IQGAP3: variants seen among roughly 807,000 people sequenced by gnomAD.
IQGAP3 encodes IQ motif containing GTPase activating protein 3.
Under a neutral mutation model 208.2 loss-of-function variants are expected in IQGAP3, and 165 were observed. The ratio of observed to expected loss-of-function variants is 0.79; its 90% CI spans 0.70 to 0.90. The LOEUF (loss-of-function observed/expected upper bound fraction) is 0.90, where lower values mean the gene tolerates loss of function less well. IQGAP3 is among the 40% of genes least tolerant of loss of function. The probability of loss-of-function intolerance (pLI) is 0.00; values close to 1 mark genes in which losing one functional copy is unlikely to be tolerated. For missense variants in IQGAP3, 1,811 were observed against 2,043.1 expected (o/e 0.89, Z 2.19); for synonymous variants, 703 against 803.6 (o/e 0.87, Z 2.12).
chr1:156,553,757 T>G (rs1003273478), intron 13 of IQGAP3, among the ~76,000 whole-genome samples: 2 of 152,108 alleles, frequency 1.3e-5, no homozygotes, highest in Non-Finnish European at 2.9e-5. Flanking sequence ...AATTTTGTAT[T>G]TTTAGTAGAG....
intron 31 of IQGAP3, 88 bp downstream of exon 31, chr1:156,533,685 G>T: frequency 9.6e-7 from 1 of 1,043,068 alleles, no homozygotes; most frequent in South Asian, 1.4e-5. Context: ...TAGGCTGCAT[G>T]GGCACGCTCA....
At chr1:156,560,014 C>T (rs1676072707) in intron 11 of IQGAP3, among the ~76,000 whole-genome samples, 1 of 152,280 alleles carries the variant, frequency 6.6e-6, no homozygotes. Context: ...TAGTGAATGT[C>T]GGAAAGCTCT....
intron 1 of IQGAP3, among the ~76,000 whole-genome samples, chr1:156,570,946 T>C (rs7514468): frequency 0.54 from 82,886 of 152,208 alleles, 25,577 homozygotes; most frequent in Non-Finnish European, 0.7. Flanking sequence ...AAGGAATAAA[T>C]AGGCGGAACA....
chr1:156,550,312 T>C lies in IQGAP3; in HGVS notation c.1774A>G (p.Ile592Val), dbSNP rs1415237505. 4 of 1,613,724 alleles carry C rather than the reference T, an allele frequency of 2.5e-6. No individual in the cohort carries two copies. In the African/African-American group the frequency reaches 5.3e-5, roughly 22 times the overall value. The part of the protein sequence containing the change: ...DPGAVLWLEE[I>V]RQGVVRANQD... ...TTGGCTCTGACCACTCCCTGGCGGA[T>C]CTCCTCAAGCCACAGCACAGCTCCA... Residue 592 changes from isoleucine (I) to valine (V), a missense_variant, in exon 16 of 38, where the codon ATC becomes GTC. By Grantham distance (29) the Ile-to-Val change is conservative. Coordinates refer to ENST00000361170, the MANE Select transcript of IQGAP3 (RefSeq NM_178229.5).
At chr1:156,564,314 C>T (rs1274747100) in intron 5 of IQGAP3, among the ~76,000 whole-genome samples, 1 of 152,178 alleles carries the variant, frequency 6.6e-6, no homozygotes, top group Non-Finnish European at 1.5e-5. Context: ...CTGTGTTGCT[C>T]TCAATAGGTC....
In IQGAP3 at chr1:156,561,995, C is replaced by T; in HGVS notation, c.884G>A (p.Gly295Glu). The change falls in exon 10 of 38, where the codon GGG (glycine) becomes GAG (glutamate). Residue 295 changes from glycine to glutamate, a missense_variant. Coordinates refer to ENST00000361170, the MANE Select transcript of IQGAP3 (RefSeq NM_178229.5). ...QGNINHVNVH[G>E]ALEVVDDALE... ...GGCATCATCAACAACTTCTAGAGCC[C>T]CATGGACTGAAAAAAAATGACTCCA... 3 of 1,604,040 alleles carry T rather than the reference C, an allele frequency of 1.9e-6. No individual in the cohort carries two copies. The highest frequency in any genetic ancestry group is 2.6e-6 in the Non-Finnish European group (3 of 1,175,994).
At chr1:156,555,754 A>G (rs1675795817) in intron 12 of IQGAP3, among the ~76,000 whole-genome samples, 1 of 152,238 alleles carries the variant, frequency 6.6e-6, no homozygotes, top group Non-Finnish European at 1.5e-5. Context: ...CCAATGTCAC[A>G]TAGCTAAGAA....
At chr1:156,551,015 T>TG (rs1411311909) in intron 15 of IQGAP3, among the ~76,000 whole-genome samples, 1 of 152,262 alleles carries the variant, frequency 6.6e-6, no homozygotes, top group East Asian at 1.9e-4. Context: ...ACTGACTATG[T>TG]GCCAGGCAGT....
intron 33 of IQGAP3, 87 bp downstream of exon 33, chr1:156,531,073 G>T (rs143377614): frequency 7.4e-6 from 7 of 943,132 alleles, no homozygotes; most frequent in African/African-American, 6.4e-5. Context: ...TGTGGGTGAG[G>T]TTCAGAGGAG....
Position 156,540,700 on chromosome 1 carries a change from C to A in IQGAP3, c.2739+8G>T, listed in dbSNP as rs1571325520. On this transcript the variant is annotated splice_region_variant and intron_variant, in intron 23 of 37. Coordinates refer to ENST00000361170, the MANE Select transcript of IQGAP3 (RefSeq NM_178229.5). ...TCTCGGGGAGGGGAGGACTGGTGGG[C>A]CCCATACCTGCAGAGTGATCCGGTT... The A allele has an allele frequency of 1.9e-6, 3 of 1,612,070 alleles. No homozygotes were observed. The highest frequency in any genetic ancestry group is 2.5e-6 in the Non-Finnish European group (3 of 1,178,748).
chr1:156,539,270 C>T lies in IQGAP3; in HGVS notation c.3056+104G>A, dbSNP rs890009890. 5.3e-6 allele frequency: 6 copies of T among 1,136,132 alleles called. No individual in the cohort carries two copies. The African/African-American group carries it at 7.8e-5, about 15-fold the overall frequency. The allele number at this position is 1,136,132 out of a possible 1,614,324, so 70.4% of individuals were successfully genotyped here. ...GTAGAGAAAAGAGGTCTTCTGATTC[C>T]ATTTCTACCCTTAGGCCTCAACAAG... On this transcript the variant is annotated intron_variant, in intron 25 of 37. Transcript: ENST00000361170.
chr1:156,540,069 C>T, intron 23 of IQGAP3, 79 bp from the exon 24 acceptor site: 4 of 1,521,704 alleles, frequency 2.6e-6, no homozygotes, highest in Non-Finnish European at 3.6e-6. Context: ...GAATCAGTGC[C>T]TTGAAGAGCC....
chr1:156,571,216 C>T (rs557583057), intron 1 of IQGAP3, among the ~76,000 whole-genome samples: 3 of 152,262 alleles, frequency 2.0e-5, no homozygotes, highest in African/African-American at 7.2e-5. Context: ...CTTCTCTCCC[C>T]TCTCTCTATT....
In IQGAP3 at chr1:156,566,048, T is replaced by A. The variant is rs759792447; in HGVS notation, c.339A>T (p.Ile113=). Residue 113 remains isoleucine (I), a synonymous_variant, in exon 4 of 38, where the codon ATA becomes ATT. Transcript: ENST00000361170. ...TTACCGAAGGCAGACCGATGTGGGC[T>A]ATTGCAGATAGCCAAAAGTTGATGT... ...TDNINFWLSA[I]AHIGLPSTFF... is the part of the protein sequence containing the mutation. 2 of 1,613,742 alleles carry A rather than the reference T, an allele frequency of 1.2e-6. No individual in the cohort carries two copies. The highest frequency in any genetic ancestry group is 2.2e-5 in the South Asian group (2 of 91,072).
chr1:156,571,624 T>C (rs1426078223), intron 1 of IQGAP3, among the ~76,000 whole-genome samples: 4 of 152,198 alleles, frequency 2.6e-5, no homozygotes, highest in Non-Finnish European at 5.9e-5. Context: ...AGTTATGAAC[T>C]GAGGACTGTG....
rs1356089876 is a variant in IQGAP3, at chr1:156,561,972, C to A, written c.907G>T (p.Ala303Ser). 2 of 1,612,968 alleles carry A rather than the reference C, an allele frequency of 1.2e-6. No homozygotes were observed. Among genetic ancestry groups the A allele is most frequent in the African/African-American group, 1.3e-5 (1 of 74,876 alleles). Residue 303 changes from alanine to serine, a missense_variant, in exon 10 of 38, where the codon GCC becomes TCC. Coordinates refer to ENST00000361170, the MANE Select transcript of IQGAP3 (RefSeq NM_178229.5). The part of the protein sequence containing the change: ...VHGALEVVDD[A>S]LERQSPEALL... ...GCTTCAGGGCTCTGTCTTTCCAGGG[C>A]ATCATCAACAACTTCTAGAGCCCCA...
At chr1:156,545,315 T>C (rs936357396) in intron 19 of IQGAP3, among the ~76,000 whole-genome samples, 4 of 152,128 alleles carry the variant, frequency 2.6e-5, no homozygotes, top group African/African-American at 4.8e-5. Flanking sequence ...GACTATAGAC[T>C]ATCCCAGCCT....
In IQGAP3 at chr1:156,556,563, C is replaced by T; in HGVS notation, c.1260G>A (p.Leu420=). 1 of 1,613,684 alleles carries T rather than the reference C, an allele frequency of 6.2e-7. No individual in the cohort carries two copies. The highest frequency in any genetic ancestry group is 1.1e-5 in the South Asian group (1 of 91,070). Residue 420 remains leucine (L), a synonymous_variant, in exon 12 of 38, where the codon CTG becomes CTA. Coordinates refer to ENST00000361170, the MANE Select transcript of IQGAP3 (RefSeq NM_178229.5). ...VYPVASSMYQ[L]ELAVLQQQQG... ...GCTGCTGCTGGAGCACTGCCAGCTC[C>T]AGCTGGTACATAGACGATGCAACAG...
chr1:156,527,934 A>C lies in IQGAP3; in HGVS notation c.4782+18T>G. 6.4e-7 allele frequency: 1 copy of C among 1,565,362 alleles called. No individual in the cohort carries two copies. Among genetic ancestry groups the C allele is most frequent in the Non-Finnish European group, 8.8e-7 (1 of 1,135,510 alleles). ...AGCCCAGCAGATGTCCTGCAGGCTC[A>C]TGGGACTGTCCCCTCACCTGATAGT... On this transcript the variant is annotated intron_variant, in intron 37 of 37. Transcript: ENST00000361170.
Sources: gnomAD v4.1 joint callset for allele counts (sites outside exome capture counted in the v4.1 genomes callset) on GRCh38, gnomAD v4.1.1 for gene constraint, MANE v1.5 for transcripts, NCBI Gene and HGNC (gene_info 2026-07-23, HGNC 2026-07-21) for gene names.